ZC3H13: variants seen among roughly 807,000 people sequenced by gnomAD.
ZC3H13 encodes the protein zinc finger CCCH domain-containing protein 13.
In ZC3H13, 64 loss-of-function variants were observed where a neutral mutation model predicts 204.1. That is an observed-to-expected ratio of 0.31 (90% CI 0.26 to 0.39). The LOEUF is 0.39. ZC3H13 is among the 10% of genes least tolerant of loss of function. The pLI is 1.00. For synonymous variants in ZC3H13, 667 were observed against 693.7 expected (o/e 0.96, Z 0.60); for missense variants, 1,833 against 2,082.7 (o/e 0.88, Z 2.33).
chr13:46,033,736 AC>A (rs1206207785), intron 4 of ZC3H13, among the ~76,000 whole-genome samples: 2 of 152,150 alleles, frequency 1.3e-5, no homozygotes, highest in African/African-American at 4.8e-5. Flanking sequence ...AGTATGAAAT[AC>A]ACAATGTGCT....
intron 12 of ZC3H13, among the ~76,000 whole-genome samples, chr13:45,972,589 A>G (rs1952674654): frequency 6.6e-6 from 1 of 152,204 alleles, no homozygotes; most frequent in African/African-American, 2.4e-5. Context: ...AATAAAAATA[A>G]AACAAAAACA....
At chr13:46,035,305 G>A (rs1005462193) in intron 4 of ZC3H13, among the ~76,000 whole-genome samples, 1 of 152,176 alleles carries the variant, frequency 6.6e-6, no homozygotes, top group Non-Finnish European at 1.5e-5. Context: ...CACAGATCAA[G>A]AGAAAAGACA....
Position 46,019,194 on chromosome 13 carries a change from A to G in ZC3H13, c.448+1255T>C, listed in dbSNP as rs2042084287. On this transcript the variant is annotated intron_variant, in intron 5 of 18. Transcript: ENST00000679008. Reference sequence around the variant, plus strand: ...TACAATACTTTACAACTGTTAGTCTATTAAGTCTTCAGAGATAATTCTGAA... The same window carrying G: ...TACAATACTTTACAACTGTTAGTCTGTTAAGTCTTCAGAGATAATTCTGAA... Among the ~76,000 whole-genome samples the G allele has an allele frequency of 1.3e-5, 2 of 152,190 alleles. 1 individual carries two copies. The highest frequency in any genetic ancestry group is 4.1e-4 in the South Asian group (2 of 4,834).
At chr13:46,034,535 T>C (rs895823181) in intron 4 of ZC3H13, among the ~76,000 whole-genome samples, 2 of 152,128 alleles carry the variant, frequency 1.3e-5, no homozygotes, top group Non-Finnish European at 2.9e-5. Context: ...CACGATAATA[T>C]ATATGATTCC....
At position 46,045,083 on chromosome 13, in the gene ZC3H13, T is replaced by C. The variant is rs2043851651; in HGVS notation, c.118-19A>G. On this transcript the variant is annotated intron_variant, in intron 2 of 18. Coordinates refer to ENST00000679008, the MANE Select transcript of ZC3H13 (RefSeq NM_001330564.2). ...ACTGTGTCTAAGAGACAGATATTAC[T>C]ATGTAAATTTCATATTTATTTCTGG... 6.4e-7 allele frequency: 1 copy of C among 1,559,470 alleles called. No individual in the cohort carries two copies. The highest frequency in any genetic ancestry group is 8.7e-7 in the Non-Finnish European group (1 of 1,151,194).
At chr13:45,990,602 T>A (rs1468498579) in intron 8 of ZC3H13, among the ~76,000 whole-genome samples, 4 of 152,230 alleles carry the variant, frequency 2.6e-5, no homozygotes, top group Non-Finnish European at 5.9e-5. Flanking sequence ...TAAAATTTAA[T>A]TGACTCTAAA....
chr13:46,009,554 AATAG>A (rs1478001485), intron 7 of ZC3H13, among the ~76,000 whole-genome samples: 1 of 152,146 alleles, frequency 6.6e-6, no homozygotes, highest in South Asian at 2.1e-4. Context: ...TACAGGTTCA[AATAG>A]ACAGGGCTTG....
chr13:45,985,689 G>C lies in ZC3H13; in HGVS notation c.1328C>G (p.Ser443Cys), dbSNP rs534020187. ...TTCTCTGTCATCTCTGTGGTCTCTA[G>C]AAGAGCTCTGATCCTGTTCATATTC... ...EREYEQDQSSSRDHRDDREPR... is the reference protein window; with the variant it reads ...EREYEQDQSSCRDHRDDREPR... The change falls in exon 10 of 19, where the codon TCT (serine) becomes TGT (cysteine). Residue 443 changes from serine (S) to cysteine (C), a missense_variant. Ser to Cys is a moderately radical substitution (Grantham distance 112). Transcript: ENST00000679008. The C allele has an allele frequency of 3.7e-6, 6 of 1,613,936 alleles. No homozygotes were observed. The Admixed American group carries it at 1.0e-4, about 27-fold the overall frequency.
intron 3 of ZC3H13, among the ~76,000 whole-genome samples, chr13:46,043,156 A>C (rs1418717940): frequency 6.6e-6 from 1 of 151,972 alleles, no homozygotes; most frequent in Non-Finnish European, 1.5e-5. Flanking sequence ...TTCCTCTTTG[A>C]CTACCAAAAA....
rs1222952493 is a variant in ZC3H13, at chr13:45,985,701, T to C, written c.1316A>G (p.Asp439Gly). The C allele has an allele frequency of 6.2e-7, 1 of 1,613,960 alleles. No homozygotes were observed. Among genetic ancestry groups the C allele is most frequent in the Non-Finnish European group, 8.5e-7 (1 of 1,179,970 alleles). ...DSREEREYEQ[D>G]QSSSRDHRDD... ...TCTGTGGTCTCTAGAAGAGCTCTGATCCTGTTCATATTCTCGTTCTTCTCT... is the reference window on the plus strand; with the variant it reads ...TCTGTGGTCTCTAGAAGAGCTCTGACCCTGTTCATATTCTCGTTCTTCTCT... Residue 439 changes from aspartate to glycine, a missense_variant, in exon 10 of 19, where the codon GAT becomes GGT. This residue lies in a region of ZC3H13 where 1,574 missense variants were observed against 1,757.2 expected (regional missense o/e 0.90). Coordinates refer to ENST00000679008, the MANE Select transcript of ZC3H13 (RefSeq NM_001330564.2).
intron 4 of ZC3H13, among the ~76,000 whole-genome samples, chr13:46,038,994 T>C (rs1338324174): frequency 6.6e-6 from 1 of 152,070 alleles, no homozygotes; most frequent in African/African-American, 2.4e-5. Context: ...TCCACTCCAG[T>C]CTGGGAGACA....
At chr13:46,011,585 A>G in intron 5 of ZC3H13, 31 bp from the exon 6 acceptor site, 1 of 1,511,752 alleles carries the variant, frequency 6.6e-7, no homozygotes, top group Non-Finnish European at 8.9e-7. Context: ...ACTGTTAGAA[A>G]CTAGCATAAT....
Position 45,985,490 on chromosome 13 carries a change from G to T in ZC3H13, c.1527C>A (p.Asp509Glu). Residue 509 changes from aspartate (D) to glutamate (E), a missense_variant, in exon 10 of 19, where the codon GAC (aspartate) becomes GAA (glutamate). Asp to Glu is a conservative substitution (Grantham distance 45). Coordinates refer to ENST00000679008, the MANE Select transcript of ZC3H13 (RefSeq NM_001330564.2). ...TTCGATGAGTATCTCGACCTTCACG[G>T]TCCCTGTAGTCATGGGCATCACGAG... ...RSTRDAHDYR[D>E]REGRDTHRKE... The T allele has an allele frequency of 6.2e-7, 1 of 1,614,118 alleles. No homozygotes were observed. The highest frequency in any genetic ancestry group is 8.5e-7 in the Non-Finnish European group (1 of 1,180,028).
intron 17 of ZC3H13, chr13:45,962,528 G>A: frequency 9.1e-6 from 9 of 983,964 alleles, no homozygotes; most frequent in Non-Finnish European, 1.1e-5. Context: ...ACCAAACAAG[G>A]CAGATACAGT....
intron 13 of ZC3H13, 107 bp downstream of exon 13, chr13:45,970,255 C>T: frequency 1.6e-6 from 2 of 1,270,224 alleles, no homozygotes; most frequent in Non-Finnish European, 2.2e-6. Flanking sequence ...CAAAGCAAGA[C>T]AACTTTTTAA....
chr13:46,016,057 A>G (rs1432745471), intron 5 of ZC3H13, among the ~76,000 whole-genome samples: 2 of 152,118 alleles, frequency 1.3e-5, no homozygotes, highest in African/African-American at 4.8e-5. Context: ...AGGAGAATGC[A>G]AACTAAAACC....
chr13:46,044,744 AAAT>A (rs2043827323), intron 3 of ZC3H13, among the ~76,000 whole-genome samples: 1 of 152,210 alleles, frequency 6.6e-6, no homozygotes, highest in Admixed American at 6.5e-5. Flanking sequence ...CAAAACAAAT[AAAT>A]AATGAACAAA....
chr13:45,962,210 A>G (rs1951740569), intron 17 of ZC3H13: 1 of 985,456 alleles, frequency 1.0e-6, no homozygotes, highest in South Asian at 4.7e-5. Context: ...TTTATTCAAG[A>G]TAATACATCA....
At chr13:45,978,317 TCAA>T (rs1207464314) in intron 11 of ZC3H13, among the ~76,000 whole-genome samples, 1 of 152,094 alleles carries the variant, frequency 6.6e-6, no homozygotes, top group Non-Finnish European at 1.5e-5. Flanking sequence ...ACATGGGTAC[TCAA>T]CAAATATTTG....
Sources: gnomAD v4.1 joint callset for allele counts (sites outside exome capture counted in the v4.1 genomes callset) on GRCh38, gnomAD v4.1.1 for gene constraint, gnomAD v4.1.1 regional missense constraint, MANE v1.5 for transcripts, NCBI Gene and HGNC (gene_info 2026-07-23, HGNC 2026-07-21) for gene names.